The following BCAS3 variants were observed in gnomAD, a reference collection of about 807,000 sequenced individuals.
The protein encoded by BCAS3 is BCAS4/BCAS3 fusion.
Under a neutral mutation model 116.1 loss-of-function variants are expected in BCAS3, and 53 were observed. That is an observed-to-expected ratio of 0.46 (90% CI 0.37 to 0.57). BCAS3 has a LOEUF of 0.57. BCAS3 is among the 20% of genes least tolerant of loss of function. BCAS3 has a pLI of 0.00. For missense variants in BCAS3, 917 were observed against 1,165.4 expected (o/e 0.79, Z 3.10); for synonymous variants, 391 against 408.2 (o/e 0.96, Z 0.51).
At chr17:60,982,073 A>G (rs1177393085) in intron 14 of BCAS3, among the ~76,000 whole-genome samples, 2 of 152,224 alleles carry the variant, frequency 1.3e-5, no homozygotes, top group African/African-American at 2.4e-5. Context: ...GATATACTGT[A>G]TATTTGCATT....
At chr17:61,345,532 A>C (rs1807833354) in intron 22 of BCAS3, among the ~76,000 whole-genome samples, 1 of 152,098 alleles carries the variant, frequency 6.6e-6, no homozygotes, top group South Asian at 2.1e-4. Context: ...AAGGGAAAGA[A>C]GGAGGGTAGG....
chr17:61,044,372 G>A (rs1018713332), intron 19 of BCAS3, among the ~76,000 whole-genome samples: 1 of 150,186 alleles, frequency 6.7e-6, no homozygotes, highest in African/African-American at 2.5e-5. Context: ...GCGTGAGCCT[G>A]GGAGGCGGAG....
intron 5 of BCAS3, among the ~76,000 whole-genome samples, chr17:60,740,497 T>TTA (rs2041432516): frequency 1.0e-5 from 1 of 96,198 alleles, no homozygotes; most frequent in African/African-American, 5.5e-5. Context: ...AGACCCTGTC[T>TTA]CAAAAAAAAA....
chr17:60,842,429 A>C (rs1323335750), intron 7 of BCAS3, among the ~76,000 whole-genome samples: 1 of 152,210 alleles, frequency 6.6e-6, no homozygotes, highest in Admixed American at 6.5e-5. Context: ...CCTTATACTC[A>C]GGTTAACTTC....
intron 16 of BCAS3, among the ~76,000 whole-genome samples, chr17:61,024,825 G>A (rs1220046783): frequency 6.6e-6 from 1 of 151,810 alleles, no homozygotes; most frequent in Non-Finnish European, 1.5e-5. Context: ...TTTGGTTTTT[G>A]CAGCCAATGG....
At chr17:61,314,146 G>C (rs1228613928) in intron 22 of BCAS3, among the ~76,000 whole-genome samples, 1 of 152,224 alleles carries the variant, frequency 6.6e-6, no homozygotes, top group Non-Finnish European at 1.5e-5. Flanking sequence ...GAAGTGACTT[G>C]AGCAGAGTCA....
At chr17:61,120,194 T>A (rs1034524057) in intron 22 of BCAS3, among the ~76,000 whole-genome samples, 4 of 152,062 alleles carry the variant, frequency 2.6e-5, no homozygotes, top group African/African-American at 9.6e-5. Context: ...AACTTGACAA[T>A]AAGTAGGAAT....
intron 23 of BCAS3, among the ~76,000 whole-genome samples, chr17:61,374,755 A>G (rs1407570721): frequency 1.3e-5 from 2 of 152,200 alleles, no homozygotes; most frequent in Non-Finnish European, 2.9e-5. Context: ...ACCCACATCT[A>G]TAACCCTTCA....
At chr17:60,878,064 C>T (rs1251775519) in intron 9 of BCAS3, among the ~76,000 whole-genome samples, 1 of 146,914 alleles carries the variant, frequency 6.8e-6, no homozygotes, top group Admixed American at 6.9e-5. Flanking sequence ...GGCTGGAGTG[C>T]AGTGGCATGT....
At chr17:61,182,998 T>C (rs2079565007) in intron 22 of BCAS3, among the ~76,000 whole-genome samples, 1 of 152,262 alleles carries the variant, frequency 6.6e-6, no homozygotes, top group African/African-American at 2.4e-5. Flanking sequence ...TTTGTTTTAA[T>C]GAACTGATAT....
intron 5 of BCAS3, among the ~76,000 whole-genome samples, chr17:60,714,908 T>TGTAA (rs1163139651): frequency 6.6e-6 from 1 of 152,128 alleles, no homozygotes; most frequent in Non-Finnish European, 1.5e-5. Context: ...ACACACCAGA[T>TGTAA]GTAACATAGA....
chr17:60,973,347 C>T (rs1246805346), intron 14 of BCAS3, among the ~76,000 whole-genome samples: 46 of 151,894 alleles, frequency 3.0e-4, no homozygotes, highest in Admixed American at 3.0e-3. Flanking sequence ...ACTATGTCAC[C>T]ACTTGTTGTA....
chr17:61,321,599 C>CT (rs918473887), intron 22 of BCAS3, among the ~76,000 whole-genome samples: 4 of 152,248 alleles, frequency 2.6e-5, no homozygotes, highest in African/African-American at 9.6e-5. Context: ...TGCTTGTGCC[C>CT]TTATCCCTTC....
chr17:61,184,004 G>C (rs1568528256), intron 22 of BCAS3, among the ~76,000 whole-genome samples: 1 of 152,272 alleles, frequency 6.6e-6, no homozygotes, highest in South Asian at 2.1e-4. Context: ...ACAGGAAAAG[G>C]GTTATGTGGA....
At position 61,213,587 on chromosome 17, in the gene BCAS3, T is replaced by A. The variant is rs1374692722; in HGVS notation, c.2425+129023T>A. 6.6e-6 allele frequency among the ~76,000 whole-genome samples: 1 copy of A among 152,228 alleles called. No homozygotes were observed. Among genetic ancestry groups the A allele is most frequent in the Non-Finnish European group, 1.5e-5 (1 of 68,036 alleles). The stretch of plus-strand genomic sequence containing the variant: ...ACCATCCTACTTCAAATTCCTAGAA[T>A]AATCTTTCCCACTCCTTTCATTTTA... On this transcript the variant is annotated intron_variant, in intron 22 of 23. Coordinates refer to ENST00000407086, the MANE Select transcript of BCAS3 (RefSeq NM_017679.5). The surrounding 1 kb of genome is among the most constrained non-coding windows in gnomAD (Gnocchi z 5.4).
chr17:61,026,791 G>C lies in BCAS3; in HGVS notation c.1638-7875G>C. ...TTTTATCCATACTCTATAACAGTAT[G>C]ATATACTTGTATTTGCTAATGTTAA... On this transcript the variant is annotated intron_variant, in intron 16 of 23. Coordinates refer to ENST00000407086, the MANE Select transcript of BCAS3 (RefSeq NM_017679.5). This position sits in a 1 kb window ranked among gnomAD's most constrained non-coding sequence, Gnocchi z 5.0. The C allele has an allele frequency of 7.6e-7, 1 of 1,322,962 alleles. No homozygotes were observed. Among genetic ancestry groups the C allele is most frequent in the Non-Finnish European group, 1.1e-6 (1 of 938,518 alleles). The allele number at this position is 1,322,962 out of a possible 1,614,324, so 82.0% of individuals were successfully genotyped here.
At position 61,279,016 on chromosome 17, in the gene BCAS3, C is replaced by G. The variant is rs1223994129; in HGVS notation, c.2426-89311C>G. ...CCCAGGCTGGAGTACAGTGGCATGT[C>G]TGGGCTCACTGCAACCTCCTCCCAG... is the stretch of plus-strand genomic sequence containing the variant. On this transcript the variant is annotated intron_variant, in intron 22 of 23. Transcript: ENST00000407086. This position sits in a 1 kb window ranked among gnomAD's most constrained non-coding sequence, Gnocchi z 4.4. Among the ~76,000 whole-genome samples, 1 of 149,580 alleles carries G rather than the reference C, an allele frequency of 6.7e-6. No homozygotes were observed. The highest frequency in any genetic ancestry group is 2.1e-4 in the South Asian group (1 of 4,752).
intron 22 of BCAS3, among the ~76,000 whole-genome samples, chr17:61,187,153 T>A (rs1460805318): frequency 6.6e-6 from 1 of 152,190 alleles, no homozygotes; most frequent in Non-Finnish European, 1.5e-5. Flanking sequence ...TGAGTCAACT[T>A]GCCAACACAA....
chr17:60,784,956 G>A (rs991002051), intron 6 of BCAS3, among the ~76,000 whole-genome samples: 6 of 151,872 alleles, frequency 4.0e-5, no homozygotes, highest in African/African-American at 1.4e-4. Flanking sequence ...AGTTAGCTGG[G>A]CGTGGTGGCA....
Sources: allele counts gnomAD v4.1 joint callset (sites outside exome capture counted in the v4.1 genomes callset), GRCh38; gene constraint gnomAD v4.1.1; non-coding constraint Gnocchi (gnomAD v3.1); transcripts MANE v1.5; gene names NCBI Gene and HGNC (gene_info 2026-07-23, HGNC 2026-07-21).